GC: variants seen among roughly 807,000 people sequenced by gnomAD.
GC encodes the protein GC vitamin D binding protein, also known as vitamin D-binding protein.
Under a neutral mutation model 56.7 loss-of-function variants are expected in GC, and 43 were observed. The observed-to-expected ratio is 0.76, with a 90% CI of 0.59 to 0.98. The LOEUF is 0.98. Ranked by LOEUF, GC falls within the 50% of genes least tolerant of loss-of-function variation. The pLI, the probability that GC is intolerant of heterozygous loss-of-function variation, is 0.00. For missense variants in GC, 529 were observed against 545.9 expected (o/e 0.97, Z 0.31); for synonymous variants, 216 against 202.7 (o/e 1.07, Z -0.56).
intron 1 of GC, among the ~76,000 whole-genome samples, chr4:71,800,994 CAAAATTA>C (rs1743235233): frequency 6.7e-6 from 1 of 148,370 alleles, no homozygotes; most frequent in South Asian, 2.1e-4. Context: ...TGGCCTTTAT[CAAAATTA>C]AAACTTTATG....
At chr4:71,774,803 C>T in intron 1 of GC, among the ~76,000 whole-genome samples, 1 of 151,996 alleles carries the variant, frequency 6.6e-6, no homozygotes, top group East Asian at 1.9e-4. Flanking sequence ...AGAACTTCAT[C>T]TCATATTTAA....
upstream of GC, among the ~76,000 whole-genome samples, chr4:71,804,947 G>T (rs565217108): frequency 4.0e-3 from 604 of 152,084 alleles, 7 homozygotes; most frequent in African/African-American, 0.014. Context: ...AGTAAGGTAG[G>T]TGATGGTTCC....
At chr4:71,741,957 C>T (rs1356913005) in intron 12 of GC, 87 bp from the exon 13 acceptor site, 2 of 699,024 alleles carry the variant, frequency 2.9e-6, no homozygotes, top group Non-Finnish European at 5.2e-6. Context: ...CGCATATAAA[C>T]TCATGCTATT....
chr4:71,794,636 T>G (rs1346622320), intron 1 of GC, among the ~76,000 whole-genome samples: 1 of 152,066 alleles, frequency 6.6e-6, no homozygotes, highest in African/African-American at 2.4e-5. Context: ...TTTTGAAGGG[T>G]TTTTTTGTGT....
At position 71,752,631 on chromosome 4, in the gene GC, C is replaced by T. The variant is rs1388818900; in HGVS notation, c.1282G>A (p.Ala428Thr). ...GTGGGTGTGGCATCAGGCAATTTTG[C>T]TTTTAGTCGCTCTGCCAGTCTGAAA... ...YKKKLAERLK[A>T]KLPDATPTEL... The change falls in exon 11 of 13, where the codon GCA becomes ACA. Residue 428 changes from alanine (A) to threonine (T), a missense_variant. Ala to Thr is a moderately conservative substitution (Grantham distance 58). Coordinates refer to ENST00000273951, the MANE Select transcript of GC (RefSeq NM_000583.4). 1.2e-6 allele frequency: 2 copies of T among 1,613,130 alleles called. No homozygotes were observed. The highest frequency in any genetic ancestry group is 1.7e-4 in the Middle Eastern group (1 of 6,052).
Position 71,766,755 on chromosome 4 carries a change from T to G in GC, c.262-1112A>C, listed in dbSNP as rs548482056. On this transcript the variant is annotated intron_variant, in intron 3 of 12. Coordinates refer to ENST00000273951, the MANE Select transcript of GC (RefSeq NM_000583.4). ...ACTCTTTTTCATCCTATCTCTCTTTTCAGTCCATCTTTTTCCTTTCCATTC... is the reference window on the plus strand; with the variant it reads ...ACTCTTTTTCATCCTATCTCTCTTTGCAGTCCATCTTTTTCCTTTCCATTC... Among the ~76,000 whole-genome samples, 3 of 152,302 alleles carry G rather than the reference T, an allele frequency of 2.0e-5. No individual in the cohort carries two copies. The South Asian group carries it at 6.2e-4, about 32-fold the overall frequency.
chr4:71,763,029 A>T (rs1742035935), intron 6 of GC, among the ~76,000 whole-genome samples: 1 of 152,234 alleles, frequency 6.6e-6, no homozygotes, highest in Non-Finnish European at 1.5e-5. Flanking sequence ...GTCTCATTCC[A>T]AGAAAAATTG....
At chr4:71,753,387 G>C (rs547112687) in intron 10 of GC, among the ~76,000 whole-genome samples, 1 of 151,834 alleles carries the variant, frequency 6.6e-6, no homozygotes, top group Admixed American at 6.6e-5. Flanking sequence ...GGGACAAAAG[G>C]GTAAGGGGGA....
At position 71,802,878 on chromosome 4, in the gene GC, T is replaced by G. The variant is rs2149311863; in HGVS notation, c.21+1048A>C. ...GTGTGCTTTGGACTTAATGATATAA[T>G]CAATTTATGATGAGTTTAATCCAGC... On this transcript the variant is annotated intron_variant, in intron 1 of 13. Coordinates refer to the GC transcript ENST00000504199. Among the ~76,000 whole-genome samples the G allele has an allele frequency of 2.0e-5, 3 of 152,280 alleles. No individual in the cohort carries two copies. In the South Asian group the frequency reaches 6.2e-4, roughly 32 times the overall value.
At chr4:71,797,093 GTC>G (rs1295101650) in intron 1 of GC, among the ~76,000 whole-genome samples, 1 of 152,196 alleles carries the variant, frequency 6.6e-6, no homozygotes, top group Admixed American at 6.5e-5. Flanking sequence ...TGTATGAGAT[GTC>G]TGTCAGCCCC....
chr4:71,804,716 T>C (rs1743324613), upstream of GC, among the ~76,000 whole-genome samples: 1 of 152,148 alleles, frequency 6.6e-6, no homozygotes, highest in Non-Finnish European at 1.5e-5. Context: ...TCGAAAGTAA[T>C]GGGTTCATAT....
chr4:71,778,182 G>A (rs1198594681), intron 1 of GC, among the ~76,000 whole-genome samples: 1 of 151,750 alleles, frequency 6.6e-6, no homozygotes, highest in Non-Finnish European at 1.5e-5. Flanking sequence ...AGTTATGTAA[G>A]TTTCACTTCT....
At chr4:71,793,033 T>C (rs1380729310) in intron 1 of GC, among the ~76,000 whole-genome samples, 1 of 152,200 alleles carries the variant, frequency 6.6e-6, no homozygotes, top group Non-Finnish European at 1.5e-5. Flanking sequence ...TCTGTTGGGG[T>C]ACGGGTACCA....
At position 71,769,318 on chromosome 4, in the gene GC, G is replaced by A; in HGVS notation, c.128+13C>T. The stretch of plus-strand genomic sequence containing the variant: ...CAAATCACCAACAGAGTGAGTGGCT[G>A]CTGCACACTTACAGAGATGTGAAGT... On this transcript the variant is annotated intron_variant, in intron 2 of 12. Transcript: ENST00000273951. The A allele has an allele frequency of 6.3e-7, 1 of 1,580,350 alleles. No homozygotes were observed. The highest frequency in any genetic ancestry group is 1.1e-5 in the South Asian group (1 of 90,252).
At chr4:71,773,372 C>G (rs1742402575) in intron 1 of GC, among the ~76,000 whole-genome samples, 1 of 151,994 alleles carries the variant, frequency 6.6e-6, no homozygotes, top group South Asian at 2.1e-4. Flanking sequence ...GATTTATTTT[C>G]AGGAAATCTT....
At chr4:71,794,577 A>G (rs893759438) in intron 1 of GC, among the ~76,000 whole-genome samples, 1 of 152,018 alleles carries the variant, frequency 6.6e-6, no homozygotes, top group Admixed American at 6.6e-5. Context: ...CTAGTGGTCT[A>G]TCAATTTTGT....
chr4:71,752,225 A>G (rs1454979527), intron 11 of GC, among the ~76,000 whole-genome samples: 2 of 152,168 alleles, frequency 1.3e-5, no homozygotes, highest in Non-Finnish European at 2.9e-5. Flanking sequence ...TACAACTCAC[A>G]ATTTGTAAAA....
At chr4:71,769,467 G>T in intron 1 of GC, 67 bp from the exon 2 acceptor site, 2 of 1,022,302 alleles carry the variant, frequency 2.0e-6, no homozygotes, top group Non-Finnish European at 3.0e-6. Context: ...ACATGTACAT[G>T]TATAAAGTGA....
At chr4:71,781,877 C>T (rs1742691742) in intron 1 of GC, among the ~76,000 whole-genome samples, 1 of 151,660 alleles carries the variant, frequency 6.6e-6, no homozygotes, top group South Asian at 2.1e-4. Context: ...GGAACCTGTC[C>T]AGTAAAGGGT....
Sources: gnomAD v4.1 joint callset for allele counts (sites outside exome capture counted in the v4.1 genomes callset) on GRCh38, gnomAD v4.1.1 for gene constraint, MANE v1.5 for transcripts, NCBI Gene and HGNC (gene_info 2026-07-23, HGNC 2026-07-21) for gene names.